The following TTC17 variants were observed in gnomAD, a reference collection of about 807,000 sequenced individuals.
TTC17 encodes the protein tetratricopeptide repeat protein 17.
In TTC17, 58 loss-of-function variants were observed where a neutral mutation model predicts 143.8. The observed-to-expected ratio is 0.40, with a 90% confidence interval of 0.33 to 0.50. The LOEUF (loss-of-function observed/expected upper bound fraction) is 0.50, where lower values mean the gene tolerates loss of function less well. Among genes scored for constraint, TTC17 ranks in the 20% least tolerant of loss-of-function variants. The pLI is 0.49. For missense variants in TTC17, 1,273 were observed against 1,392.5 expected (o/e 0.91, Z 1.37); for synonymous variants, 501 against 497.8 (o/e 1.01, Z -0.09).
Position 43,421,190 on chromosome 11 carries a change from T to G in TTC17, c.2251+6414T>G, listed in dbSNP as rs545449385. Among the ~76,000 whole-genome samples the G allele has an allele frequency of 1.9e-3, 287 of 151,282 alleles. 1 individual carries two copies. The highest frequency in any genetic ancestry group is 3.4e-3 in the Middle Eastern group (1 of 294). On this transcript the variant is annotated intron_variant, in intron 16 of 23. Coordinates refer to ENST00000039989, the MANE Select transcript of TTC17 (RefSeq NM_018259.6). ...ATTAAGGGAGGCCCCACTGAGAAAG[T>G]GACATTTGAACATAAGACTTGAGGA...
At chr11:43,418,161 A>T (rs982230230) in intron 16 of TTC17, among the ~76,000 whole-genome samples, 1 of 152,224 alleles carries the variant, frequency 6.6e-6, no homozygotes, top group African/African-American at 2.4e-5. Context: ...TTAATGAAGT[A>T]TTATTTATCT....
chr11:43,406,054 A>T, intron 13 of TTC17, 103 bp downstream of exon 13: 5 of 1,318,464 alleles, frequency 3.8e-6, no homozygotes, highest in Non-Finnish European at 5.1e-6. Flanking sequence ...GTTGAGCTTT[A>T]AGTGTATAAA....
intron 16 of TTC17, among the ~76,000 whole-genome samples, chr11:43,432,235 A>G (rs373993933): frequency 6.6e-6 from 1 of 152,226 alleles, no homozygotes; most frequent in African/African-American, 2.4e-5. Flanking sequence ...TACTTTGACA[A>G]GTATATTAAA....
rs1431628531 is a variant in TTC17 at position 43,443,454 on chromosome 11, C to T, written c.2381C>T (p.Ala794Val). 1 of 1,614,044 alleles carries T rather than the reference C, an allele frequency of 6.2e-7. No individual in the cohort carries two copies. Among genetic ancestry groups the T allele is most frequent in the East Asian group, 2.2e-5 (1 of 44,880 alleles). The change falls in exon 17 of 24, where the codon GCA becomes GTA. Residue 794 changes from alanine to valine, a missense_variant. Coordinates refer to ENST00000039989, the MANE Select transcript of TTC17 (RefSeq NM_018259.6). ...TGGCCTTTGGAAGGCTTTGGGGGTG[C>T]ACTAGAGATGAAAGGGCGGCGTCTA... ...QAWPLEGFGG[A>V]LEMKGRRLDL...
chr11:43,488,360 G>A (rs1230264008), intron 21 of TTC17, among the ~76,000 whole-genome samples: 1 of 152,048 alleles, frequency 6.6e-6, no homozygotes, highest in East Asian at 1.9e-4. Flanking sequence ...CTTCTGTAAT[G>A]GCTGGGAGTC....
At chr11:43,420,137 A>G (rs1234395094) in intron 16 of TTC17, among the ~76,000 whole-genome samples, 2 of 152,186 alleles carry the variant, frequency 1.3e-5, no homozygotes, top group African/African-American at 2.4e-5. Flanking sequence ...GAATTTTTGT[A>G]TTTATGAACC....
At chr11:43,441,764 C>T (rs1053343533) in intron 16 of TTC17, among the ~76,000 whole-genome samples, 1 of 152,218 alleles carries the variant, frequency 6.6e-6, no homozygotes, top group East Asian at 1.9e-4. Context: ...TCCATATTCT[C>T]TCTTCATTTG....
At chr11:43,464,928 A>G (rs1328016273) in intron 21 of TTC17, among the ~76,000 whole-genome samples, 2 of 152,244 alleles carry the variant, frequency 1.3e-5, no homozygotes, top group African/African-American at 4.8e-5. Context: ...TTCTGAAGCT[A>G]CAAAGCACAA....
chr11:43,363,434 C>A (rs1394363853), intron 1 of TTC17, among the ~76,000 whole-genome samples: 1 of 152,124 alleles, frequency 6.6e-6, no homozygotes, highest in Admixed American at 6.5e-5. Flanking sequence ...TGAAATGTTA[C>A]CAGTTTGTTA....
chr11:43,493,766 C>T lies in TTC17; in HGVS notation c.3295-7C>T, dbSNP rs1263764887. 1 of 1,614,006 alleles carries T rather than the reference C, an allele frequency of 6.2e-7. No homozygotes were observed. The highest frequency in any genetic ancestry group is 1.7e-5 in the Admixed American group (1 of 60,008). On this transcript the variant is annotated splice_polypyrimidine_tract_variant and splice_region_variant and intron_variant, in intron 23 of 23. Transcript: ENST00000039989. ...TCCCCTCACATTTCTCTCCTTGGCC[C>T]TCACAGGAAGAATTTGAAAAAGCAC...
chr11:43,370,157 A>T lies in TTC17; in HGVS notation c.160-9076A>T, dbSNP rs569928049. 4.2e-3 allele frequency: 1,860 copies of T among 446,448 alleles called. 28 individuals carry two copies. Among genetic ancestry groups the T allele is most frequent in the South Asian group, 0.011 (698 of 62,224 alleles). The allele number at this position is 446,448 out of a possible 1,614,324, so 27.7% of individuals were successfully genotyped here. A position where few individuals can be genotyped will look rare whatever the true frequency, so the allele number is the denominator to read the frequency against. On this transcript the variant is annotated intron_variant, in intron 1 of 23. Coordinates refer to ENST00000039989, the MANE Select transcript of TTC17 (RefSeq NM_018259.6). Reference sequence around the variant, plus strand: ...TTTTTGCGAACCTGTACTTCTCTAAACCTCAAAGAAGATGTAAGCCCATGA... The same window carrying T: ...TTTTTGCGAACCTGTACTTCTCTAATCCTCAAAGAAGATGTAAGCCCATGA...
At chr11:43,413,352 G>A (rs557517261) in intron 15 of TTC17, among the ~76,000 whole-genome samples, 56 of 152,284 alleles carry the variant, frequency 3.7e-4, no homozygotes, top group African/African-American at 1.2e-3. Flanking sequence ...AGTGGATCAT[G>A]TACCAAAATA....
At chr11:43,422,118 C>G (rs899398060) in intron 16 of TTC17, among the ~76,000 whole-genome samples, 2 of 152,060 alleles carry the variant, frequency 1.3e-5, no homozygotes, top group East Asian at 3.9e-4. Flanking sequence ...AGAAATGATC[C>G]TATTTGGAAT....
intron 5 of TTC17, among the ~76,000 whole-genome samples, chr11:43,394,104 A>G (rs772259559): frequency 2.0e-5 from 3 of 152,192 alleles, no homozygotes; most frequent in Non-Finnish European, 4.4e-5. Context: ...CACAGGCCTG[A>G]TAACACTTGA....
intron 16 of TTC17, among the ~76,000 whole-genome samples, chr11:43,437,665 G>A (rs1947322740): frequency 6.6e-6 from 1 of 152,070 alleles, no homozygotes; most frequent in African/African-American, 2.4e-5. Context: ...ATTTATTTTA[G>A]TGCCTGGTAC....
chr11:43,415,463 A>G (rs1946755918), intron 16 of TTC17, among the ~76,000 whole-genome samples: 1 of 152,180 alleles, frequency 6.6e-6, no homozygotes, highest in Non-Finnish European at 1.5e-5. Flanking sequence ...TCTGCCTTGA[A>G]TTGGGATGGG....
chr11:43,433,150 G>A (rs1437428010), intron 16 of TTC17, among the ~76,000 whole-genome samples: 6 of 152,136 alleles, frequency 3.9e-5, no homozygotes, highest in Admixed American at 3.9e-4. Context: ...ACCGGCATGT[G>A]CCACCATGCC....
intron 10 of TTC17, among the ~76,000 whole-genome samples, chr11:43,402,242 A>T (rs1342131434): frequency 1.3e-5 from 2 of 152,104 alleles, no homozygotes; most frequent in Non-Finnish European, 2.9e-5. Flanking sequence ...TCATCTCCCC[A>T]CTTTCCCTTT....
intron 2 of TTC17, among the ~76,000 whole-genome samples, chr11:43,387,677 A>G (rs902532789): frequency 1.5e-4 from 23 of 152,022 alleles, no homozygotes; most frequent in African/African-American, 4.6e-4. Flanking sequence ...CTGAGGGAAA[A>G]AGAAAGAACA....
Sources: gnomAD v4.1 joint callset for allele counts (sites outside exome capture counted in the v4.1 genomes callset) on GRCh38, gnomAD v4.1.1 for gene constraint, MANE v1.5 for transcripts, NCBI Gene and HGNC (gene_info 2026-07-23, HGNC 2026-07-21) for gene names.